NDUFAF6: variants seen among roughly 807,000 people sequenced by gnomAD.
The protein encoded by NDUFAF6 is NADH dehydrogenase (ubiquinone) complex I, assembly factor 6.
In NDUFAF6, 45 loss-of-function variants were observed where a neutral mutation model predicts 40.8. The ratio of observed to expected loss-of-function variants is 1.10; its 90% CI spans 0.87 to 1.42. The LOEUF (loss-of-function observed/expected upper bound fraction) is 1.42. Ranked by LOEUF, NDUFAF6 falls within the 40% of genes most tolerant of loss-of-function variation. The probability of loss-of-function intolerance (pLI) is 0.00; values close to 1 mark genes in which losing one functional copy is unlikely to be tolerated. For synonymous variants in NDUFAF6, 185 were observed against 155.9 expected (o/e 1.19, Z -1.39); for missense variants, 435 against 418.5 (o/e 1.04, Z -0.34).
At chr8:94,973,434 T>C (rs117179765) in intron 1 of NDUFAF6, among the ~76,000 whole-genome samples, 20,293 of 152,086 alleles carry the variant, frequency 0.13, 1,693 homozygotes, top group Middle Eastern at 0.23. Flanking sequence ...TTGGGCTGGG[T>C]GCGGTGGCTC....
rs1384165299 is a variant in NDUFAF6 at position 95,082,574 on chromosome 8, G to A, written n.213+6822G>A. Among the ~76,000 whole-genome samples the A allele has an allele frequency of 2.0e-5, 3 of 150,120 alleles. No homozygotes were observed. The East Asian group carries it at 5.8e-4, about 29-fold the overall frequency. ...TGTTTTATGAAATAATCTCTCTCCT[G>A]TGGTAGGGGCGGGGGTGGGAGGAGC... is the stretch of plus-strand genomic sequence containing the variant. On this transcript the variant is annotated intron_variant and non_coding_transcript_variant, in intron 2 of 5. Coordinates refer to the NDUFAF6 transcript ENST00000523184.
upstream of NDUFAF6, among the ~76,000 whole-genome samples, chr8:95,098,610 C>T (rs1809547952): frequency 6.6e-6 from 1 of 152,216 alleles, no homozygotes. Flanking sequence ...GCGGAGGTTG[C>T]AGTGAGCCGA....
In NDUFAF6 at chr8:95,025,076, G is replaced by A. The variant is rs761731521; in HGVS notation, c.68G>A (p.Arg23His). The change falls in exon 1 of 9, where the codon CGC becomes CAC. Residue 23 changes from arginine to histidine, a missense_variant. By Grantham distance (29) the Arg-to-His change is conservative. Coordinates refer to ENST00000396124, the MANE Select transcript of NDUFAF6 (RefSeq NM_152416.4). Reference sequence around the variant, plus strand: ...CTTGGCATCCCCGGCCTGTGCTGCCGCCGGCCGCCTCTGGGTCTGTACGCG... The same window carrying A: ...CTTGGCATCCCCGGCCTGTGCTGCCACCGGCCGCCTCTGGGTCTGTACGCG... Reference protein sequence around the residue: ...LRLGIPGLCCRRPPLGLYARM... With the variant: ...LRLGIPGLCCHRPPLGLYARM... The A allele has an allele frequency of 9.7e-6, 14 of 1,446,684 alleles. No homozygotes were observed. The highest frequency in any genetic ancestry group is 4.5e-6 in the Non-Finnish European group (5 of 1,110,414). The allele number at this position is 1,446,684 out of a possible 1,614,324, so 89.6% of individuals were successfully genotyped here.
At chr8:95,077,308 G>A (rs1282383934), downstream of NDUFAF6, among the ~76,000 whole-genome samples, 2 of 152,306 alleles carry the variant, frequency 1.3e-5, no homozygotes, top group Middle Eastern at 3.4e-3. Flanking sequence ...ACACAGCCTT[G>A]TAAGCACAGT....
rs1188415421 is a variant in NDUFAF6 at position 95,063,764 on chromosome 8, C to CT, written c.*511+11543dup. The stretch of plus-strand genomic sequence containing the variant: ...ATTTCTCAGGGAGTAAGTTCAAGAG[C>CT]TTTTTTTTTAAAACCTCAGGATCTC... On this transcript the variant is annotated intron_variant and NMD_transcript_variant, in intron 9 of 9. Coordinates refer to the NDUFAF6 transcript ENST00000520757. Among the ~76,000 whole-genome samples, 46 of 151,308 alleles carry CT rather than the reference C, an allele frequency of 3.0e-4. 1 individual carries two copies. Among genetic ancestry groups the CT allele is most frequent in the African/African-American group, 1.0e-3 (42 of 41,278 alleles).
chr8:94,990,667 C>T (rs541547325), intron 2 of NDUFAF6, among the ~76,000 whole-genome samples: 2 of 152,218 alleles, frequency 1.3e-5, no homozygotes, highest in Non-Finnish European at 2.9e-5. Flanking sequence ...ACAGCTACTG[C>T]ATTCAAGGCT....
At chr8:94,984,283 G>A (rs1825666506) in intron 2 of NDUFAF6, 1 of 152,082 alleles carries the variant, frequency 6.6e-6, no homozygotes, top group South Asian at 2.1e-4. Flanking sequence ...AGAGACCAGT[G>A]CTTAACAGTT....
At chr8:95,005,553 A>ATATATATATATATATATATATATATAT (rs60157067) in intron 2 of NDUFAF6, among the ~76,000 whole-genome samples, 1 of 124,366 alleles carries the variant, frequency 8.0e-6, no homozygotes, top group African/African-American at 3.3e-5. Context: ...ATATATATAT[A>ATATATATATATATATATATATATATAT]AAAAATATAT....
At chr8:95,074,059 A>G (rs1832957053) in intron 9 of NDUFAF6, among the ~76,000 whole-genome samples, 1 of 152,142 alleles carries the variant, frequency 6.6e-6, no homozygotes, top group Non-Finnish European at 1.5e-5. Context: ...ATTAGCTTCA[A>G]AATAACGCAG....
At chr8:95,078,735 A>G (rs892285823), downstream of NDUFAF6, 8 of 150,866 alleles carry the variant, frequency 5.3e-5, no homozygotes, top group African/African-American at 9.8e-5. Context: ...ACCTCTGGCA[A>G]TCACTGATCT....
chr8:94,910,247 G>A (rs1818689593), intron 1 of NDUFAF6, among the ~76,000 whole-genome samples: 1 of 152,092 alleles, frequency 6.6e-6, no homozygotes, highest in African/African-American at 2.4e-5. Flanking sequence ...CTGTCTCCCG[G>A]GTTCAAACAA....
chr8:94,899,069 T>C (rs991144907), intron 1 of NDUFAF6, among the ~76,000 whole-genome samples: 3 of 152,186 alleles, frequency 2.0e-5, no homozygotes, highest in Non-Finnish European at 4.4e-5. Context: ...AAAAAAAATC[T>C]TTGTATTTTA....
chr8:94,964,272 T>C (rs540246595), intron 1 of NDUFAF6, among the ~76,000 whole-genome samples: 2 of 151,736 alleles, frequency 1.3e-5, no homozygotes, highest in South Asian at 4.2e-4. Flanking sequence ...TACAAAAAAA[T>C]TTAAAAATTA....
At chr8:94,933,277 GT>G (rs1820608645) in intron 1 of NDUFAF6, among the ~76,000 whole-genome samples, 1 of 152,100 alleles carries the variant, frequency 6.6e-6, no homozygotes, top group African/African-American at 2.4e-5. Flanking sequence ...GTATGTATTT[GT>G]TTTACTATCC....
intron 1 of NDUFAF6, among the ~76,000 whole-genome samples, chr8:94,904,093 C>T (rs531262864): frequency 6.6e-6 from 1 of 152,184 alleles, no homozygotes; most frequent in South Asian, 2.1e-4. Flanking sequence ...GTTCCAAACC[C>T]TACTTAAAAT....
At chr8:94,948,241 CCTTTT>C (rs1455098797) in intron 2 of NDUFAF6, among the ~76,000 whole-genome samples, 5 of 152,300 alleles carry the variant, frequency 3.3e-5, no homozygotes, top group African/African-American at 1.2e-4. Context: ...AACACCATTT[CCTTTT>C]ATTAATTGGC....
chr8:95,083,569 A>T (rs1808945546), intron 2 of NDUFAF6, among the ~76,000 whole-genome samples: 1 of 152,232 alleles, frequency 6.6e-6, no homozygotes, highest in South Asian at 2.1e-4. Flanking sequence ...TCAGATAATG[A>T]CTTTAAACGG....
At chr8:95,036,192 A>G in intron 3 of NDUFAF6, 2 of 795,836 alleles carry the variant, frequency 2.5e-6, no homozygotes, top group Non-Finnish European at 3.4e-6. Flanking sequence ...AGCTGTATGG[A>G]TCCCTCACTC....
intron 1 of NDUFAF6, among the ~76,000 whole-genome samples, chr8:94,964,164 A>C (rs1316957728): frequency 2.0e-5 from 3 of 152,134 alleles, no homozygotes; most frequent in Non-Finnish European, 4.4e-5. Context: ...ACAGTGGCTC[A>C]TGCCTGTAAT....
Sources: allele counts gnomAD v4.1 joint callset (sites outside exome capture counted in the v4.1 genomes callset), GRCh38; gene constraint gnomAD v4.1.1; transcripts MANE v1.5; gene names NCBI Gene and HGNC (gene_info 2026-07-23, HGNC 2026-07-21).